UMODL1: variants seen among roughly 807,000 people sequenced by gnomAD.
UMODL1 encodes uromodulin-like 1.
In UMODL1, 128 loss-of-function variants were observed where a neutral mutation model predicts 136.3. The ratio of observed to expected loss-of-function variants is 0.94; its 90% CI spans 0.81 to 1.09. The LOEUF is 1.09. Among genes scored for constraint, UMODL1 ranks in the 50% least tolerant of loss-of-function variants. UMODL1 has a pLI of 0.00. For missense variants in UMODL1, 1,766 were observed against 1,725.6 expected (o/e 1.02, Z -0.41); for synonymous variants, 721 against 720.0 (o/e 1.00, Z -0.02).
chr21:42,104,078 C>G lies in UMODL1; in HGVS notation c.1510C>G (p.Arg504Gly). 1.2e-6 allele frequency: 2 copies of G among 1,610,410 alleles called. No homozygotes were observed. Among genetic ancestry groups the G allele is most frequent in the South Asian group, 2.2e-5 (2 of 91,014 alleles). Reference sequence around the variant, plus strand: ...GTTCCAGATTGACCGGCAGGGGACACGCGTGCAAGGTATGGCCCAGCCACC... The same window carrying G: ...GTTCCAGATTGACCGGCAGGGGACAGGCGTGCAAGGTATGGCCCAGCCACC... Reference protein sequence around the residue: ...TVFQIDRQGTRVQDWDECVDS... With the variant: ...TVFQIDRQGTGVQDWDECVDS... The change falls in exon 9 of 23, where the codon CGC (arginine) becomes GGC (glycine). Residue 504 changes from arginine to glycine, a missense_variant. Transcript: ENST00000408910.
At position 42,121,146 on chromosome 21, in the gene UMODL1, AC is replaced by A. The variant is rs1424858747; in HGVS notation, c.2752del (p.Leu918SerfsTer66). The part of the protein sequence containing the change: ...DCVPGTSCRN[T>X]LGSFTCSCEG... Reference sequence around the variant, plus strand: ...TGTGCCGGGGACATCCTGTCGAAACACCCTCGGGTCTTTCACTTGTAGCTGC... The same window carrying A: ...TGTGCCGGGGACATCCTGTCGAAACACCTCGGGTCTTTCACTTGTAGCTGC... On this transcript the variant is annotated frameshift_variant, in exon 16 of 23. Transcript: ENST00000408910. LOFTEE classifies it high-confidence loss of function. The A allele has an allele frequency of 2.5e-6, 4 of 1,613,876 alleles. No homozygotes were observed. The highest frequency in any genetic ancestry group is 3.4e-6 in the Non-Finnish European group (4 of 1,179,948).
intron 6 of UMODL1, among the ~76,000 whole-genome samples, chr21:42,091,504 G>A (rs796986249): frequency 1.1e-4 from 17 of 152,240 alleles, no homozygotes; most frequent in African/African-American, 3.6e-4. Flanking sequence ...ATGTAGGAAG[G>A]TGCTATAAAG....
At position 42,065,724 on chromosome 21, in the gene UMODL1, G is replaced by A. The variant is rs535795755; in HGVS notation, c.-141+2510G>A. On this transcript the variant is annotated intron_variant, in intron 1 of 22. Coordinates refer to the UMODL1 transcript ENST00000400424. The stretch of plus-strand genomic sequence containing the variant: ...AGATTTTGTATTTTTAGTGGAGAGG[G>A]GGTTTCACCATGTTGGCCAGGAGGG... Among the ~76,000 whole-genome samples the A allele has an allele frequency of 1.2e-4, 19 of 152,094 alleles. No individual in the cohort carries two copies. In the South Asian group the frequency reaches 4.0e-3, roughly 32 times the overall value.
chr21:42,136,529 G>C (rs1294443853), intron 21 of UMODL1, among the ~76,000 whole-genome samples: 1 of 152,128 alleles, frequency 6.6e-6, no homozygotes, highest in Non-Finnish European at 1.5e-5. Context: ...ACGTTGCAGT[G>C]GGTCAGCGCT....
At chr21:42,083,841 CAG>C (rs1264869517) in intron 2 of UMODL1, among the ~76,000 whole-genome samples, 2 of 152,204 alleles carry the variant, frequency 1.3e-5, no homozygotes, top group Non-Finnish European at 2.9e-5. Context: ...CTAGAGGAAA[CAG>C]AGACACCTAG....
chr21:42,083,351 A>G (rs2146436540), intron 2 of UMODL1, among the ~76,000 whole-genome samples: 1 of 152,234 alleles, frequency 6.6e-6, no homozygotes, highest in South Asian at 2.1e-4. Context: ...TTCTTCTCTT[A>G]CACCCCATCC....
chr21:42,123,171 C>G lies in UMODL1; in HGVS notation c.3147+21C>G, dbSNP rs370613909. 4.4e-6 allele frequency: 7 copies of G among 1,596,632 alleles called. No individual in the cohort carries two copies. Among genetic ancestry groups the G allele is most frequent in the Non-Finnish European group, 6.0e-6 (7 of 1,169,118 alleles). ...AGAGCGTAAGACCAGGAGAGCCAGGCTCAGGATGTACACTAGGGCGCAAGG... is the reference window on the plus strand; with the variant it reads ...AGAGCGTAAGACCAGGAGAGCCAGGGTCAGGATGTACACTAGGGCGCAAGG... On this transcript the variant is annotated intron_variant, in intron 17 of 22. Coordinates refer to ENST00000408910, the MANE Select transcript of UMODL1 (RefSeq NM_001004416.3). This position sits in a 1 kb window ranked among gnomAD's most constrained non-coding sequence, Gnocchi z 4.4.
At position 42,127,085 on chromosome 21, in the gene UMODL1, A is replaced by T; in HGVS notation, c.3373A>T (p.Ile1125Leu). Residue 1125 changes from isoleucine to leucine, a missense_variant, in exon 19 of 23, where the codon ATA becomes TTA. Physicochemically the swap from Ile to Leu is conservative, Grantham distance 5. Transcript: ENST00000408910. ...GCAGTTGTTTATCGGAGACTCTCCCATACCTCAGAATTATAGCGTGTCTGC... is the reference window on the plus strand; with the variant it reads ...GCAGTTGTTTATCGGAGACTCTCCCTTACCTCAGAATTATAGCGTGTCTGC... The part of the protein sequence containing the change: ...EMQLFIGDSP[I>L]PQNYSVSASD... 6.2e-7 allele frequency: 1 copy of T among 1,614,214 alleles called. No individual in the cohort carries two copies. The highest frequency in any genetic ancestry group is 1.1e-5 in the South Asian group (1 of 91,088).
Position 42,109,709 on chromosome 21 carries a change from G to C in UMODL1, c.1657+10G>C. The C allele has an allele frequency of 6.3e-7, 1 of 1,598,618 alleles. No homozygotes were observed. Among genetic ancestry groups the C allele is most frequent in the African/African-American group, 1.3e-5 (1 of 74,394 alleles). ...GGCCGGGCCTGTGAGGGTACGTGTCGACCCCCCTGCCGACTCTGGGAAGAC... is the reference window on the plus strand; with the variant it reads ...GGCCGGGCCTGTGAGGGTACGTGTCCACCCCCCTGCCGACTCTGGGAAGAC... On this transcript the variant is annotated intron_variant, in intron 10 of 22. Coordinates refer to ENST00000408910, the MANE Select transcript of UMODL1 (RefSeq NM_001004416.3).
intron 2 of UMODL1, among the ~76,000 whole-genome samples, chr21:42,077,456 C>G (rs1244038424): frequency 6.6e-6 from 1 of 150,952 alleles, no homozygotes. Context: ...GAGTGGGGGT[C>G]TAGTTAAAAC....
At chr21:42,097,825 C>CA (rs1438976798) in intron 6 of UMODL1, among the ~76,000 whole-genome samples, 2 of 151,958 alleles carry the variant, frequency 1.3e-5, no homozygotes, top group African/African-American at 4.8e-5. Context: ...TGTTTTTAAC[C>CA]AAAAAAGAGC....
At chr21:42,118,020 G>T (rs1437101540) in intron 14 of UMODL1, among the ~76,000 whole-genome samples, 2 of 152,176 alleles carry the variant, frequency 1.3e-5, no homozygotes, top group Non-Finnish European at 2.9e-5. Context: ...AGAAATTTCG[G>T]GGGTTTCACT....
chr21:42,110,287 G>T (rs369372352), intron 10 of UMODL1, among the ~76,000 whole-genome samples: 4 of 152,226 alleles, frequency 2.6e-5, no homozygotes, highest in African/African-American at 7.2e-5. Context: ...GATTAGCAAT[G>T]TCGGCCCGGA....
chr21:42,114,288 G>C (rs2066876148), intron 13 of UMODL1, among the ~76,000 whole-genome samples: 1 of 152,264 alleles, frequency 6.6e-6, no homozygotes, highest in Non-Finnish European at 1.5e-5. Context: ...ACAAAGTAAA[G>C]AATTGAGCAA....
chr21:42,129,939 A>G (rs2067112041), intron 21 of UMODL1, 142 bp downstream of exon 21: 1 of 616,476 alleles, frequency 1.6e-6, no homozygotes, highest in African/African-American at 1.9e-5. Flanking sequence ...AGAAATACTC[A>G]TAGTTAGTAT....
intron 14 of UMODL1, 90 bp from the exon 15 acceptor site, chr21:42,119,021 C>A: frequency 1.5e-6 from 2 of 1,359,048 alleles, no homozygotes; most frequent in Non-Finnish European, 2.0e-6. Flanking sequence ...AGCCCTGCTG[C>A]TGGGCAGACT....
chr21:42,135,784 G>A (rs903556503), intron 21 of UMODL1, among the ~76,000 whole-genome samples: 2 of 152,164 alleles, frequency 1.3e-5, no homozygotes, highest in Non-Finnish European at 2.9e-5. Flanking sequence ...CTGGAGGAGG[G>A]ATGGTGTGGT....
intron 4 of UMODL1, among the ~76,000 whole-genome samples, chr21:42,088,037 G>T (rs1288730411): frequency 6.6e-6 from 1 of 152,220 alleles, no homozygotes; most frequent in Non-Finnish European, 1.5e-5. Context: ...GGTACTGGAG[G>T]TTAGGACTTC....
chr21:42,092,888 G>A (rs777713588), intron 6 of UMODL1, among the ~76,000 whole-genome samples: 2 of 152,124 alleles, frequency 1.3e-5, no homozygotes, highest in Non-Finnish European at 2.9e-5. Flanking sequence ...AATTGAGGGG[G>A]ACGAAGGTGA....
Sources: allele counts gnomAD v4.1 joint callset (sites outside exome capture counted in the v4.1 genomes callset), GRCh38; gene constraint gnomAD v4.1.1; non-coding constraint Gnocchi (gnomAD v3.1); transcripts MANE v1.5; gene names NCBI Gene and HGNC (gene_info 2026-07-23, HGNC 2026-07-21).